Variants in PTPDC1 observed in about 807,000 individuals in gnomAD.
The protein encoded by PTPDC1 is protein tyrosine phosphatase domain containing 1.
Under a neutral mutation model 75.3 loss-of-function variants are expected in PTPDC1, and 53 were observed. That is an observed-to-expected ratio of 0.70 (90% confidence interval 0.56 to 0.88). The LOEUF is 0.88. Among genes scored for constraint, PTPDC1 ranks in the 40% least tolerant of loss-of-function variants. The pLI is 0.00. For missense variants in PTPDC1, 925 were observed against 998.6 expected (o/e 0.93, Z 0.99); for synonymous variants, 349 against 366.2 (o/e 0.95, Z 0.54).
At chr9:94,083,686 A>T (rs1167925570), upstream of PTPDC1, among the ~76,000 whole-genome samples, 1 of 152,198 alleles carries the variant, frequency 6.6e-6, no homozygotes, top group Non-Finnish European at 1.5e-5. Flanking sequence ...TAGTTCCTTT[A>T]AAAATGTGAT....
Position 94,098,164 on chromosome 9 carries a change from T to A in PTPDC1, c.1598T>A (p.Ile533Asn). The change falls in exon 6 of 9, where the codon ATC (isoleucine) becomes AAC (asparagine). Residue 533 changes from isoleucine to asparagine, a missense_variant. By Grantham distance (149) the Ile-to-Asn change is moderately radical. Coordinates refer to ENST00000620992, the MANE Select transcript of PTPDC1 (RefSeq NM_001253829.2). ...DNGSPIFHGRIIPKEAQQSGA... is the reference protein window; with the variant it reads ...DNGSPIFHGRNIPKEAQQSGA... ...GGGTCACCAATTTTCCATGGAAGGATCATTCCAAAGGAAGCACAGCAGAGT... is the reference window on the plus strand; with the variant it reads ...GGGTCACCAATTTTCCATGGAAGGAACATTCCAAAGGAAGCACAGCAGAGT... 1.2e-6 allele frequency: 2 copies of A among 1,614,200 alleles called. No individual in the cohort carries two copies. The highest frequency in any genetic ancestry group is 1.7e-6 in the Non-Finnish European group (2 of 1,180,032).
intron 2 of PTPDC1, among the ~76,000 whole-genome samples, chr9:94,067,611 A>G (rs1397896292): frequency 2.6e-5 from 4 of 152,016 alleles, no homozygotes; most frequent in Admixed American, 2.6e-4. Context: ...ATTGGTTGCT[A>G]TTTAGCTTCA....
upstream of PTPDC1, among the ~76,000 whole-genome samples, chr9:94,080,817 G>A (rs1826851345): frequency 6.6e-6 from 1 of 152,254 alleles, no homozygotes; most frequent in South Asian, 2.1e-4. Context: ...CTTGAATGAG[G>A]TCTGAGGAAT....
chr9:94,097,800 A>G lies in PTPDC1; in HGVS notation c.1234A>G (p.Asn412Asp). 1.2e-6 allele frequency: 2 copies of G among 1,614,194 alleles called. No individual in the cohort carries two copies. The highest frequency in any genetic ancestry group is 1.7e-6 in the Non-Finnish European group (2 of 1,180,036). Residue 412 changes from asparagine to aspartate, a missense_variant, in exon 6 of 9, where the codon AAT becomes GAT. Physicochemically the swap from Asn to Asp is conservative, Grantham distance 23. Transcript: ENST00000620992. ...NPTAVAADFDNRGMIFSNEQQ... is the reference protein window; with the variant it reads ...NPTAVAADFDDRGMIFSNEQQ... ...CACTGCAGTGGCAGCAGATTTTGAC[A>G]ATCGAGGCATGATTTTCTCCAATGA...
chr9:94,070,967 T>C (rs1400471219), intron 2 of PTPDC1, among the ~76,000 whole-genome samples: 1 of 152,232 alleles, frequency 6.6e-6, no homozygotes, highest in East Asian at 1.9e-4. Context: ...ATAAAGCTGC[T>C]GTAAACATTC....
rs1827032648 is a variant in PTPDC1, at chr9:94,085,331, T to C, written c.325T>C (p.Ser109Pro). The C allele has an allele frequency of 6.2e-7, 1 of 1,614,204 alleles. No homozygotes were observed. The highest frequency in any genetic ancestry group is 8.5e-7 in the Non-Finnish European group (1 of 1,180,026). Reference sequence around the variant, plus strand: ...TGTCATTCCTGGACACATGGCATGTTCCATGGCGTGTGGCGGTAGAGCTTG... The same window carrying C: ...TGTCATTCCTGGACACATGGCATGTCCCATGGCGTGTGGCGGTAGAGCTTG... The part of the protein sequence containing the change: ...RHVIPGHMAC[S>P]MACGGRACKY... The change falls in exon 2 of 9, where the codon TCC becomes CCC. Residue 109 changes from serine to proline, a missense_variant. Transcript: ENST00000620992.
intron 6 of PTPDC1, among the ~76,000 whole-genome samples, chr9:94,099,397 G>A (rs1167108647): frequency 6.6e-6 from 1 of 152,062 alleles, no homozygotes; most frequent in Non-Finnish European, 1.5e-5. Context: ...CTTGACTTTT[G>A]AGCCCATAAC....
chr9:94,086,046 T>A (rs966940832), intron 2 of PTPDC1, among the ~76,000 whole-genome samples: 2 of 152,212 alleles, frequency 1.3e-5, no homozygotes, highest in Non-Finnish European at 2.9e-5. Context: ...TTCTGATAAA[T>A]CACATTTGAA....
In PTPDC1 at chr9:94,097,990, G is replaced by A. The variant is rs868402419; in HGVS notation, c.1424G>A (p.Gly475Asp). Residue 475 changes from glycine to aspartate, a missense_variant, in exon 6 of 9, where the codon GGC becomes GAC. Transcript: ENST00000620992. ...ACAGTGCCTGCCCAGATCTTGGTTG[G>A]CCACAAGCCCAGGCAGCAGAAGCTC... ...PQTVPAQILV[G>D]HKPRQQKLIS... is the part of the protein sequence containing the mutation. The A allele has an allele frequency of 1.2e-6, 2 of 1,614,130 alleles. No homozygotes were observed. Among genetic ancestry groups the A allele is most frequent in the Middle Eastern group, 1.6e-4 (1 of 6,062 alleles).
At chr9:94,067,846 C>T (rs561467502) in intron 2 of PTPDC1, among the ~76,000 whole-genome samples, 1 of 152,196 alleles carries the variant, frequency 6.6e-6, no homozygotes, top group African/African-American at 2.4e-5. Context: ...AGGTGATCCA[C>T]CTACCACAGC....
chr9:94,053,909 C>A (rs956913380), intron 1 of PTPDC1, among the ~76,000 whole-genome samples: 1 of 152,176 alleles, frequency 6.6e-6, no homozygotes, highest in Admixed American at 6.5e-5. Flanking sequence ...GATTACTGTT[C>A]CTACCTTACA....
At chr9:94,096,728 G>A (rs1025358881) in intron 5 of PTPDC1, among the ~76,000 whole-genome samples, 1 of 152,122 alleles carries the variant, frequency 6.6e-6, no homozygotes, top group Non-Finnish European at 1.5e-5. Context: ...ACACATATTA[G>A]TATAGGCACA....
intron 5 of PTPDC1, 95 bp downstream of exon 5, chr9:94,095,549 T>C: frequency 9.6e-7 from 1 of 1,040,540 alleles, no homozygotes; most frequent in Non-Finnish European, 1.4e-6. Flanking sequence ...CTCAGAATCC[T>C]ATCAAAGCTT....
At chr9:94,107,804 G>A in intron 8 of PTPDC1, 24 bp from the exon 9 acceptor site, 2 of 1,394,596 alleles carry the variant, frequency 1.4e-6, no homozygotes, top group East Asian at 2.4e-5. Flanking sequence ...ACAGTGTCCT[G>A]AATATAAATT....
intron 1 of PTPDC1, among the ~76,000 whole-genome samples, chr9:94,059,003 A>G (rs1050289281): frequency 6.6e-6 from 1 of 152,216 alleles, no homozygotes; most frequent in African/African-American, 2.4e-5. Flanking sequence ...AAACAAACAA[A>G]AAACCCAGGA....
intron 1 of PTPDC1, among the ~76,000 whole-genome samples, chr9:94,044,720 C>T (rs1317715063): frequency 1.0e-5 from 1 of 98,366 alleles, no homozygotes; most frequent in African/African-American, 5.9e-5. Context: ...ATCTGCATAC[C>T]TTTCTCTTTT....
rs184058120 is a variant in PTPDC1 at position 94,037,891 on chromosome 9, C to T, written c.-7+6764C>T. 10 of 198,462 alleles carry T rather than the reference C, an allele frequency of 5.0e-5. No homozygotes were observed. In the East Asian group the frequency reaches 6.2e-4, roughly 12 times the overall value. 12.3% of individuals were successfully genotyped at this position (198,462 alleles called of 1,614,324 possible). On this transcript the variant is annotated intron_variant, in intron 1 of 9. Transcript: ENST00000375360. The stretch of plus-strand genomic sequence containing the variant: ...TCAGCTAACTCTTCAGAAAGTTCTA[C>T]GGCTAATCATTCTTCAGAATGATCT...
intron 1 of PTPDC1, among the ~76,000 whole-genome samples, chr9:94,053,519 G>A (rs942544469): frequency 1.3e-5 from 2 of 152,082 alleles, no homozygotes; most frequent in African/African-American, 4.8e-5. Flanking sequence ...AGTGGTATTA[G>A]GAGGCTGTTT....
chr9:94,101,675 T>C lies in PTPDC1; in HGVS notation c.2123T>C (p.Val708Ala). 6.2e-7 allele frequency: 1 copy of C among 1,613,946 alleles called. No individual in the cohort carries two copies. Among genetic ancestry groups the C allele is most frequent in the Non-Finnish European group, 8.5e-7 (1 of 1,179,862 alleles). ...TGGGTGGAGCAACTGAAGGAGCCTG[T>C]AATCACCAAAGAGGATGTGGACATG... ...WSWVEQLKEP[V>A]ITKEDVDMLV... Residue 708 changes from valine (V) to alanine (A), a missense_variant, in exon 7 of 9, where the codon GTA becomes GCA. By Grantham distance (64) the Val-to-Ala change is moderately conservative (BLOSUM62 0). Coordinates refer to ENST00000620992, the MANE Select transcript of PTPDC1 (RefSeq NM_001253829.2).
Sources: gnomAD v4.1 joint callset for allele counts (sites outside exome capture counted in the v4.1 genomes callset) on GRCh38, gnomAD v4.1.1 for gene constraint, MANE v1.5 for transcripts, NCBI Gene and HGNC (gene_info 2026-07-23, HGNC 2026-07-21) for gene names.